The following PXN variants were observed in gnomAD, a reference collection of about 807,000 sequenced individuals.
The protein encoded by PXN is paxillin, also known as testicular tissue protein Li 134.
A neutral mutation model predicts 103.6 loss-of-function variants in PXN; 61 were observed. That is an observed-to-expected ratio of 0.59 (90% CI 0.48 to 0.73). The LOEUF is 0.73. Among genes scored for constraint, PXN ranks in the 30% least tolerant of loss-of-function variants. PXN has a pLI of 0.00. For synonymous variants in PXN, 562 were observed against 607.8 expected (o/e 0.92, Z 1.11); for missense variants, 1,274 against 1,460.3 (o/e 0.87, Z 2.08).
intron 1 of PXN, among the ~76,000 whole-genome samples, chr12:120,238,491 G>C (rs1247942967): frequency 6.6e-6 from 1 of 152,184 alleles, no homozygotes; most frequent in Non-Finnish European, 1.5e-5. Flanking sequence ...ATGGGGGAGG[G>C]GGTACACACC....
intron 1 of PXN, among the ~76,000 whole-genome samples, chr12:120,233,415 T>A (rs1476093775): frequency 6.6e-6 from 1 of 152,128 alleles, no homozygotes; most frequent in Non-Finnish European, 1.5e-5. Context: ...CAAATGATCC[T>A]CCTGCCTCAG....
chr12:120,212,204 G>C lies in PXN; in HGVS notation c.*110C>G. 1 of 1,443,880 alleles carries C rather than the reference G, an allele frequency of 6.9e-7. No individual in the cohort carries two copies. The highest frequency in any genetic ancestry group is 1.3e-5 in the South Asian group (1 of 77,862). The allele number at this position is 1,443,880 out of a possible 1,614,324, so 89.4% of individuals were successfully genotyped here. ...CATCCCGCACCAGCGGAGGACAAGG[G>C]TTCCAGTTTCAGTCGGGTTTACCCC... On this transcript the variant is annotated 3_prime_UTR_variant, in exon 15 of 15. Transcript: ENST00000637617. The surrounding 1 kb of genome is among the most constrained non-coding windows in gnomAD (Gnocchi z 7.2).
intron 1 of PXN, among the ~76,000 whole-genome samples, chr12:120,230,657 TC>T (rs942333957): frequency 1.3e-5 from 1 of 76,022 alleles, no homozygotes; most frequent in Non-Finnish European, 2.6e-5. Context: ...TCCCCTCCCC[TC>T]CCCCAGCCCA....
chr12:120,218,027 C>A (rs1883816290), intron 7 of PXN, among the ~76,000 whole-genome samples: 1 of 147,024 alleles, frequency 6.8e-6, no homozygotes, highest in African/African-American at 2.5e-5. Flanking sequence ...TCCAAAGAGG[C>A]ATAAAGCTTG....
rs1566351962 is a variant in PXN at position 120,214,234 on chromosome 12, T to C, written c.2749-17A>G. ...CACCACTTTCTGTGAAAGCAAAATG[T>C]GGGATCAAGGCTGAGCTCTGGGCAG... On this transcript the variant is annotated splice_polypyrimidine_tract_variant and intron_variant, in intron 12 of 14. Coordinates refer to ENST00000637617, the MANE Select transcript of PXN (RefSeq NM_001385981.1). This position sits in a 1 kb window ranked among gnomAD's most constrained non-coding sequence, Gnocchi z 5.0. The C allele has an allele frequency of 6.5e-7, 1 of 1,549,242 alleles. No homozygotes were observed. The highest frequency in any genetic ancestry group is 8.7e-7 in the Non-Finnish European group (1 of 1,145,044).
At chr12:120,263,773 T>C (rs1894247790) in intron 1 of PXN, among the ~76,000 whole-genome samples, 1 of 152,182 alleles carries the variant, frequency 6.6e-6, no homozygotes, top group South Asian at 2.1e-4. Context: ...CTCTCTTTCC[T>C]TTCAGAACTC....
chr12:120,254,470 C>T (rs1892690722), intron 1 of PXN, among the ~76,000 whole-genome samples: 1 of 152,204 alleles, frequency 6.6e-6, no homozygotes, highest in Non-Finnish European at 1.5e-5. Context: ...ACTTTAGCAA[C>T]CACCTTACTA....
At chr12:120,262,688 G>A (rs1362093728) in intron 1 of PXN, among the ~76,000 whole-genome samples, 6 of 152,210 alleles carry the variant, frequency 3.9e-5, no homozygotes, top group African/African-American at 7.2e-5. Context: ...CAAGTACACT[G>A]AGAACATGAA....
At position 120,219,900 on chromosome 12, in the gene PXN, T is replaced by C. The variant is rs748191807; in HGVS notation, c.1023A>G (p.Leu341=). 6 of 1,597,786 alleles carry C rather than the reference T, an allele frequency of 3.8e-6. No individual in the cohort carries two copies. In the African/African-American group the frequency reaches 8.0e-5, roughly 21 times the overall value. ...CAAGCCAGCTGGGGGCTACAGGAGG[T>C]AGAAGGCCTCGTCCACTCTGCTCAG... is the stretch of plus-strand genomic sequence containing the variant. ...PCTEQSGRGL[L]PPVAPSWLDL... Residue 341 remains leucine, a synonymous_variant, in exon 7 of 15, where the codon CTA becomes CTG. Coordinates refer to ENST00000637617, the MANE Select transcript of PXN (RefSeq NM_001385981.1). The surrounding 1 kb of genome is among the most constrained non-coding windows in gnomAD (Gnocchi z 6.5).
In PXN at chr12:120,219,946, T is replaced by C. The variant is rs780430771; in HGVS notation, c.977A>G (p.His326Arg). ...TTIPSPRGQGHTPEFPCTEQS... is the reference protein window; with the variant it reads ...TTIPSPRGQGRTPEFPCTEQS... ...CTCAGTACAAGGGAACTCCGGAGTG[T>C]GGCCCTGGCCTCGAGGGGAGGGTAT... Residue 326 changes from histidine to arginine, a missense_variant, in exon 7 of 15, where the codon CAC becomes CGC. Physicochemically the swap from His to Arg is conservative, Grantham distance 29. Transcript: ENST00000637617. The surrounding 1 kb of genome is among the most constrained non-coding windows in gnomAD (Gnocchi z 6.5). The C allele has an allele frequency of 9.4e-6, 15 of 1,597,200 alleles. No individual in the cohort carries two copies. Among genetic ancestry groups the C allele is most frequent in the Non-Finnish European group, 1.3e-5 (15 of 1,178,788 alleles).
intron 1 of PXN, among the ~76,000 whole-genome samples, chr12:120,237,166 C>T (rs561132634): frequency 1.5e-4 from 23 of 150,536 alleles, no homozygotes; most frequent in African/African-American, 5.4e-4. Flanking sequence ...CACACACACA[C>T]ACACACACAC....
In PXN at chr12:120,265,578, C is replaced by T. The variant is rs1894586210; in HGVS notation, c.13+39G>A. 6.8e-7 allele frequency: 1 copy of T among 1,480,868 alleles called. No individual in the cohort carries two copies. The highest frequency in any genetic ancestry group is 8.9e-7 in the Non-Finnish European group (1 of 1,121,270). The allele number at this position is 1,480,868 out of a possible 1,614,324, so 91.7% of individuals were successfully genotyped here. A position where few individuals can be genotyped will look rare whatever the true frequency, so the allele number is the denominator to read the frequency against. ...CGCCCTCCTGGCCCCAAGCTGCGCG[C>T]CTCTCGCCTCCTCCTCCCTCGGCCT... On this transcript the variant is annotated intron_variant, in intron 1 of 14. Coordinates refer to ENST00000637617, the MANE Select transcript of PXN (RefSeq NM_001385981.1). This position sits in a 1 kb window ranked among gnomAD's most constrained non-coding sequence, Gnocchi z 5.7.
chr12:120,223,101 G>A (rs997987162), intron 3 of PXN, 102 bp from the exon 4 acceptor site: 16 of 1,577,084 alleles, frequency 1.0e-5, no homozygotes, highest in African/African-American at 2.7e-5. Context: ...GAGGAGATGC[G>A]AAGTCTTCCC....
chr12:120,223,814 A>G lies in PXN; in HGVS notation c.260T>C (p.Val87Ala). The G allele has an allele frequency of 6.2e-7, 1 of 1,606,942 alleles. No individual in the cohort carries two copies. Among genetic ancestry groups the G allele is most frequent in the Non-Finnish European group, 8.5e-7 (1 of 1,176,450 alleles). ...GGAAGTTTTGGCACTGGAGCCGTAC[A>G]CAGGTGATGAGGACTGAGGCTGCGA... ...IHQQPQSSSP[V>A]YGSSAKTSSV... is the part of the protein sequence containing the mutation. Residue 87 changes from valine to alanine, a missense_variant, in exon 3 of 15, where the codon GTG (valine) becomes GCG (alanine). Physicochemically the swap from Val to Ala is moderately conservative, Grantham distance 64 (BLOSUM62 0). Transcript: ENST00000637617.
In PXN at chr12:120,221,516, C is replaced by A; in HGVS notation, c.831+107G>T. 2 of 1,303,592 alleles carry A rather than the reference C, an allele frequency of 1.5e-6. No homozygotes were observed. Among genetic ancestry groups the A allele is most frequent in the Non-Finnish European group, 2.1e-6 (2 of 955,958 alleles). The allele number at this position is 1,303,592 out of a possible 1,614,324, so 80.8% of individuals were successfully genotyped here. ...CAGTGTCCCTGGCTCAGGGGCAAGG[C>A]ACCCAAACACTGAGATGCCAAGATC... On this transcript the variant is annotated intron_variant, in intron 6 of 14. Transcript: ENST00000637617. This position sits in a 1 kb window ranked among gnomAD's most constrained non-coding sequence, Gnocchi z 6.6.
intron 1 of PXN, among the ~76,000 whole-genome samples, chr12:120,263,752 C>T (rs997081104): frequency 5.3e-5 from 8 of 152,188 alleles, no homozygotes; most frequent in Non-Finnish European, 8.8e-5. Flanking sequence ...TCCCCTCTCC[C>T]GTATACAGTA....
At chr12:120,240,354 C>A (rs1278244813) in intron 1 of PXN, among the ~76,000 whole-genome samples, 3 of 152,162 alleles carry the variant, frequency 2.0e-5, no homozygotes, top group African/African-American at 7.2e-5. Flanking sequence ...CCCAGCACTG[C>A]AAGCCATAAG....
intron 1 of PXN, among the ~76,000 whole-genome samples, chr12:120,255,537 C>T (rs1419184159): frequency 7.2e-4 from 109 of 151,008 alleles, no homozygotes; most frequent in Non-Finnish European, 3.0e-4. Flanking sequence ...CTACTAAAAC[C>T]ACAAAAATTA....
In PXN at chr12:120,229,532, G is replaced by A. The variant is rs1887600464; in HGVS notation, c.14-5155C>T. Among the ~76,000 whole-genome samples, 3 of 152,334 alleles carry A rather than the reference G, an allele frequency of 2.0e-5. 1 individual carries two copies. Reference sequence around the variant, plus strand: ...CTCTGCTCAATGGCTGAACTGCTCGGATAGGCTGCTTAACTGCTTTTGTGC... The same window carrying A: ...CTCTGCTCAATGGCTGAACTGCTCGAATAGGCTGCTTAACTGCTTTTGTGC... On this transcript the variant is annotated intron_variant, in intron 1 of 14. Transcript: ENST00000637617. This position sits in a 1 kb window ranked among gnomAD's most constrained non-coding sequence, Gnocchi z 4.0.
Sources: allele counts gnomAD v4.1 joint callset (sites outside exome capture counted in the v4.1 genomes callset), GRCh38; gene constraint gnomAD v4.1.1; non-coding constraint Gnocchi (gnomAD v3.1); transcripts MANE v1.5; gene names NCBI Gene and HGNC (gene_info 2026-07-23, HGNC 2026-07-21).